Variants in PDGFC observed in about 807,000 individuals in gnomAD.
PDGFC encodes platelet-derived growth factor C.
In PDGFC, 12 loss-of-function variants were observed where a neutral mutation model predicts 35.5. That is an observed-to-expected ratio of 0.34 (90% confidence interval 0.22 to 0.55). The LOEUF is 0.55. Among genes scored for constraint, PDGFC ranks in the 20% least tolerant of loss-of-function variants. The probability of loss-of-function intolerance (pLI) is 0.91; values close to 1 mark genes in which losing one functional copy is unlikely to be tolerated. For missense variants in PDGFC, 322 were observed against 412.4 expected (o/e 0.78, Z 1.90); for synonymous variants, 159 against 148.8 (o/e 1.07, Z -0.50).
chr4:156,821,456 G>A lies in PDGFC; in HGVS notation c.315-10439C>T, dbSNP rs148091634. 5.5e-3 allele frequency among the ~76,000 whole-genome samples: 837 copies of A among 151,916 alleles called. 4 individuals carry two copies. The highest frequency in any genetic ancestry group is 0.019 in the African/African-American group (807 of 41,412). ...GGGTCTCACTATATTGCCCAGGCTG[G>A]TTTCAAACTCCTGGGCTCAAGTGAT... On this transcript the variant is annotated intron_variant, in intron 2 of 5. Coordinates refer to ENST00000502773, the MANE Select transcript of PDGFC (RefSeq NM_016205.3).
At chr4:156,893,064 T>C (rs1730551777) in intron 1 of PDGFC, among the ~76,000 whole-genome samples, 1 of 152,178 alleles carries the variant, frequency 6.6e-6, no homozygotes, top group African/African-American at 2.4e-5. Context: ...TTCTCAATGA[T>C]CTACCCCTTA....
chr4:156,926,861 T>C (rs1334926245), intron 1 of PDGFC, among the ~76,000 whole-genome samples: 2 of 152,108 alleles, frequency 1.3e-5, no homozygotes, highest in African/African-American at 2.4e-5. Context: ...CTAGGTGGTG[T>C]CCCAGTAGGG....
intron 2 of PDGFC, among the ~76,000 whole-genome samples, chr4:156,844,957 CACT>C (rs1729290840): frequency 6.6e-6 from 1 of 151,848 alleles, no homozygotes; most frequent in Non-Finnish European, 1.5e-5. Context: ...AACATAAATA[CACT>C]ACTGCAAAAA....
chr4:156,810,926 T>C lies in PDGFC; in HGVS notation c.406A>G (p.Lys136Glu). 6.2e-7 allele frequency: 1 copy of C among 1,604,020 alleles called. No individual in the cohort carries two copies. Among genetic ancestry groups the C allele is most frequent in the Non-Finnish European group, 8.5e-7 (1 of 1,171,206 alleles). The change falls in exon 3 of 6, where the codon AAA becomes GAA. Residue 136 changes from lysine to glutamate, a missense_variant. Around this residue, in one of 2 missense-constraint regions of PDGFC, gnomAD observed 202 missense variants for 295.9 expected, o/e 0.68. Coordinates refer to ENST00000502773, the MANE Select transcript of PDGFC (RefSeq NM_016205.3). ...SGTVPGKQIS[K>E]GNQIRIRFVS... ...AATCTTATCCTAATTTGATTTCCTTTAGAAATCTGTTTTCCTGGTACAGTA... is the reference window on the plus strand; with the variant it reads ...AATCTTATCCTAATTTGATTTCCTTCAGAAATCTGTTTTCCTGGTACAGTA...
intron 1 of PDGFC, among the ~76,000 whole-genome samples, chr4:156,938,861 AC>A (rs1332888826): frequency 6.6e-5 from 10 of 151,826 alleles, no homozygotes; most frequent in Admixed American, 5.9e-4. Context: ...TAATATAAAT[AC>A]AATTTATTTT....
At chr4:156,815,640 T>G (rs1290014350) in intron 2 of PDGFC, among the ~76,000 whole-genome samples, 1 of 152,022 alleles carries the variant, frequency 6.6e-6, no homozygotes, top group East Asian at 1.9e-4. Context: ...GAAAAGAGGA[T>G]GATAAAACTA....
At chr4:156,823,794 A>G (rs143328974) in intron 2 of PDGFC, among the ~76,000 whole-genome samples, 1 of 152,328 alleles carries the variant, frequency 6.6e-6, no homozygotes, top group African/African-American at 2.4e-5. Context: ...TGTTCATTTC[A>G]GCAGTATTCA....
intron 1 of PDGFC, among the ~76,000 whole-genome samples, chr4:156,863,434 T>C (rs1280079085): frequency 6.6e-6 from 1 of 152,182 alleles, no homozygotes; most frequent in Non-Finnish European, 1.5e-5. Context: ...CTCAGCCCAC[T>C]GAGTGTAACT....
At chr4:156,771,679 G>C (rs1046065491) in intron 4 of PDGFC, among the ~76,000 whole-genome samples, 1 of 152,162 alleles carries the variant, frequency 6.6e-6, no homozygotes, top group Non-Finnish European at 1.5e-5. Context: ...CTTAGAGCAG[G>C]AAAGGGCAGG....
intron 1 of PDGFC, among the ~76,000 whole-genome samples, chr4:156,934,995 T>C: frequency 6.6e-6 from 1 of 152,112 alleles, no homozygotes; most frequent in Admixed American, 6.6e-5. Context: ...TTTTTTGTTT[T>C]GTTTTGTTTG....
intron 1 of PDGFC, among the ~76,000 whole-genome samples, chr4:156,898,347 G>A (rs981236065): frequency 6.6e-6 from 1 of 151,982 alleles, no homozygotes; most frequent in African/African-American, 2.4e-5. Flanking sequence ...ATAGCACCTC[G>A]AACAGACTAA....
At chr4:156,799,376 T>C (rs972281601) in intron 3 of PDGFC, among the ~76,000 whole-genome samples, 14 of 152,186 alleles carry the variant, frequency 9.2e-5, no homozygotes. Context: ...GTGGCCTACA[T>C]GTGGTCACAT....
chr4:156,930,767 C>T (rs1731531923), intron 1 of PDGFC, among the ~76,000 whole-genome samples: 1 of 152,084 alleles, frequency 6.6e-6, no homozygotes, highest in Admixed American at 6.5e-5. Flanking sequence ...ACTCGGGAGG[C>T]TGAGGCAGGA....
chr4:156,879,117 G>T (rs569930496), intron 1 of PDGFC, among the ~76,000 whole-genome samples: 48 of 152,226 alleles, frequency 3.2e-4, no homozygotes, highest in Non-Finnish European at 6.8e-4. Flanking sequence ...CCTCAAAAAT[G>T]AGCTGCTTCT....
Position 156,945,032 on chromosome 4 carries a change from C to A in PDGFC, c.118+25754G>T, listed in dbSNP as rs145391826. Among the ~76,000 whole-genome samples the A allele has an allele frequency of 2.5e-3, 379 of 151,962 alleles. 1 individual carries two copies. Among genetic ancestry groups the A allele is most frequent in the African/African-American group, 8.7e-3 (359 of 41,482 alleles). ...TCAGTCAGCCCTCGGTGACTTATTT[C>A]GAACTGCAACAATGTGCCCTATCCC... is the stretch of plus-strand genomic sequence containing the variant. On this transcript the variant is annotated intron_variant, in intron 1 of 5. Transcript: ENST00000502773.
chr4:156,794,981 G>C (rs1411728707), intron 3 of PDGFC, among the ~76,000 whole-genome samples: 2 of 152,258 alleles, frequency 1.3e-5, no homozygotes, highest in East Asian at 3.9e-4. Context: ...CGCTGACCTG[G>C]TTTAACCACT....
chr4:156,760,631 T>A lies in PDGFC; in HGVS notation c.*2459A>T, dbSNP rs189688313. The A allele has an allele frequency of 9.2e-5, 14 of 152,290 alleles. No homozygotes were observed. Among genetic ancestry groups the A allele is most frequent in the Admixed American group, 7.2e-4 (11 of 15,290 alleles). The allele number at this position is 152,290 out of a possible 1,614,324, so 9.4% of individuals were successfully genotyped here. ...TGCTATTTATGTGTGTGTGTGTGTG[T>A]GTGTGTGTTTAGTAAAATACACAGG... On this transcript the variant is annotated 3_prime_UTR_variant, in exon 6 of 6. Coordinates refer to ENST00000502773, the MANE Select transcript of PDGFC (RefSeq NM_016205.3).
At chr4:156,809,810 A>T (rs1731882355) in intron 3 of PDGFC, among the ~76,000 whole-genome samples, 1 of 151,950 alleles carries the variant, frequency 6.6e-6, no homozygotes, top group Non-Finnish European at 1.5e-5. Context: ...AAATTAATAT[A>T]ATATAGACAG....
At chr4:156,800,125 T>C (rs1731559373) in intron 3 of PDGFC, among the ~76,000 whole-genome samples, 1 of 152,166 alleles carries the variant, frequency 6.6e-6, no homozygotes, top group East Asian at 1.9e-4. Context: ...ATGTTGAGTT[T>C]TAATCTACAA....
Sources: gnomAD v4.1 joint callset for allele counts (sites outside exome capture counted in the v4.1 genomes callset) on GRCh38, gnomAD v4.1.1 for gene constraint, gnomAD v4.1.1 regional missense constraint, MANE v1.5 for transcripts, NCBI Gene and HGNC (gene_info 2026-07-23, HGNC 2026-07-21) for gene names.